UNC45B: variants seen among roughly 807,000 people sequenced by gnomAD.
UNC45B encodes the protein unc-45 myosin chaperone B.
A neutral mutation model predicts 98.7 loss-of-function variants in UNC45B; 78 were observed. That is an observed-to-expected ratio of 0.79 (90% CI 0.66 to 0.95). UNC45B has a LOEUF of 0.95. Among genes scored for constraint, UNC45B ranks in the 40% least tolerant of loss-of-function variants. UNC45B has a pLI of 0.00. For missense variants in UNC45B, 1,225 were observed against 1,184.9 expected (o/e 1.03, Z -0.50); for synonymous variants, 462 against 480.4 (o/e 0.96, Z 0.50).
At chr17:35,179,978 AC>A (rs2092262344) in intron 17 of UNC45B, among the ~76,000 whole-genome samples, 1 of 152,162 alleles carries the variant, frequency 6.6e-6, no homozygotes, top group Non-Finnish European at 1.5e-5. Context: ...GTCAGCATGT[AC>A]TGGGTTGGGA....
intron 7 of UNC45B, among the ~76,000 whole-genome samples, chr17:35,157,104 T>A (rs1265290767): frequency 2.6e-5 from 4 of 152,298 alleles, no homozygotes; most frequent in Admixed American, 6.5e-5. Context: ...AATCTTCCCT[T>A]GTATGGATTA....
chr17:35,151,291 C>A (rs904318686), intron 4 of UNC45B: 2 of 195,770 alleles, frequency 1.0e-5, no homozygotes, highest in Non-Finnish European at 2.2e-5. Context: ...CCCACACGAG[C>A]GGCGCCGGGG....
chr17:35,150,102 T>C lies in UNC45B; in HGVS notation c.260T>C (p.Leu87Pro). Residue 87 changes from leucine (L) to proline (P), a missense_variant, in exon 4 of 20, where the codon CTG becomes CCG. Transcript: ENST00000394570. ...GCTCTGTATCGGCGATGCCAGGCAC[T>C]GGAGCACCTGGGGAAGCTGGACCAG... ...IKALYRRCQA[L>P]EHLGKLDQAF... is the part of the protein sequence containing the mutation. The C allele has an allele frequency of 6.2e-7, 1 of 1,613,402 alleles. No individual in the cohort carries two copies. The highest frequency in any genetic ancestry group is 8.5e-7 in the Non-Finnish European group (1 of 1,179,672).
At chr17:35,165,606 A>G (rs190895483) in intron 9 of UNC45B, among the ~76,000 whole-genome samples, 21 of 152,304 alleles carry the variant, frequency 1.4e-4, no homozygotes, top group African/African-American at 5.1e-4. Context: ...TGTGGGACAG[A>G]TAAGTCTCTG....
intron 8 of UNC45B, 90 bp downstream of exon 8, chr17:35,159,635 A>G (rs2092088952): frequency 1.4e-6 from 2 of 1,434,242 alleles, no homozygotes; most frequent in Admixed American, 3.9e-5. Context: ...GAGGCTCTTG[A>G]AGGGGTCTTC....
chr17:35,183,658 A>G (rs986428367), intron 19 of UNC45B, 76 bp downstream of exon 19: 2 of 1,382,108 alleles, frequency 1.4e-6, no homozygotes, highest in Non-Finnish European at 1.9e-6. Context: ...ACACTGGATG[A>G]TCCTCTGGGG....
intron 14 of UNC45B, among the ~76,000 whole-genome samples, chr17:35,175,075 G>GAAAGAAAGAAAGAAAGAA (rs1405430665): frequency 8.7e-6 from 1 of 114,982 alleles, no homozygotes; most frequent in African/African-American, 3.3e-5. Context: ...AAGAAAGAAA[G>GAAAGAAAGAAAGAAAGAA]AAAGAAAGAA....
intron 18 of UNC45B, among the ~76,000 whole-genome samples, chr17:35,182,854 A>T (rs2092282167): frequency 6.6e-6 from 1 of 151,802 alleles, no homozygotes; most frequent in African/African-American, 2.4e-5. Flanking sequence ...AGGGGTGAGG[A>T]TGAGATGCTG....
At chr17:35,167,980 C>T in intron 9 of UNC45B, 81 bp from the exon 10 acceptor site, 1 of 1,339,932 alleles carries the variant, frequency 7.5e-7, no homozygotes, top group Non-Finnish European at 9.8e-7. Context: ...GATGCAAATC[C>T]AAATCCTACT....
chr17:35,155,229 T>G, intron 6 of UNC45B, 67 bp from the exon 7 acceptor site: 1 of 1,579,594 alleles, frequency 6.3e-7, no homozygotes, highest in Non-Finnish European at 8.6e-7. Context: ...TCACACCCTC[T>G]CTAACCTGCA....
intron 19 of UNC45B, 54 bp from the exon 20 acceptor site, chr17:35,186,245 C>T: frequency 1.3e-6 from 2 of 1,595,376 alleles, no homozygotes; most frequent in South Asian, 1.1e-5. Context: ...AACACATGAA[C>T]TCTGGGGACA....
intron 9 of UNC45B, among the ~76,000 whole-genome samples, chr17:35,164,806 C>T (rs929229237): frequency 6.6e-6 from 1 of 152,010 alleles, no homozygotes. Context: ...ACTGCAGCCT[C>T]GAACTTTTGG....
At position 35,171,456 on chromosome 17, in the gene UNC45B, C is replaced by T; in HGVS notation, c.1824C>T (p.His608=). Reference sequence around the variant, plus strand: ...CCAAGCAGCATGTGCCCGAGGAACACCCCAAGGTAGGGTCAGGCGCGACCC... The same window carrying T: ...CCAAGCAGCATGTGCCCGAGGAACATCCCAAGGTAGGGTCAGGCGCGACCC... ...KFSKQHVPEE[H]PKDKKDFIDM... is the part of the protein sequence containing the mutation. Residue 608 remains histidine (H), a synonymous_variant, in exon 13 of 20, where the codon CAC becomes CAT. Transcript: ENST00000394570. The T allele has an allele frequency of 6.2e-7, 1 of 1,614,038 alleles. No homozygotes were observed. The highest frequency in any genetic ancestry group is 8.5e-7 in the Non-Finnish European group (1 of 1,179,954).
At chr17:35,168,006 A>G in intron 9 of UNC45B, 55 bp from the exon 10 acceptor site, 8 of 1,379,362 alleles carry the variant, frequency 5.8e-6, no homozygotes, top group Non-Finnish European at 7.6e-6. Context: ...CAAATCTCAC[A>G]CTCTTTCCAC....
intron 18 of UNC45B, among the ~76,000 whole-genome samples, 153 bp downstream of exon 18, chr17:35,180,829 T>C (rs148748812): frequency 3.5e-4 from 53 of 152,200 alleles, no homozygotes; most frequent in African/African-American, 1.1e-3. Flanking sequence ...ATTTCCTAGA[T>C]TATAGCCCCC....
intron 19 of UNC45B, among the ~76,000 whole-genome samples, chr17:35,185,137 A>G (rs2092296052): frequency 6.6e-6 from 1 of 152,026 alleles, no homozygotes; most frequent in Non-Finnish European, 1.5e-5. Flanking sequence ...GCAGTTTACA[A>G]AAGTTGGGTT....
intron 5 of UNC45B, 24 bp from the exon 6 acceptor site, chr17:35,154,550 C>G (rs780225807): frequency 6.2e-6 from 10 of 1,609,088 alleles, no homozygotes; most frequent in Admixed American, 3.4e-5. Flanking sequence ...CCCTCGTAAC[C>G]CTTATTGCCT....
At chr17:35,185,867 C>T (rs1010256015) in intron 19 of UNC45B, among the ~76,000 whole-genome samples, 7 of 152,046 alleles carry the variant, frequency 4.6e-5, no homozygotes, top group African/African-American at 1.7e-4. Flanking sequence ...TTTTCTGTTG[C>T]TATAACAGAA....
rs142722058 is a variant in UNC45B at position 35,152,277 on chromosome 17, T to A, written c.382-616T>A. Among the ~76,000 whole-genome samples the A allele has an allele frequency of 1.4e-3, 214 of 151,948 alleles. 2 individuals carry two copies. The highest frequency in any genetic ancestry group is 5.0e-3 in the African/African-American group (208 of 41,448). On this transcript the variant is annotated intron_variant, in intron 4 of 19. Transcript: ENST00000394570. ...AAAAATTAAAAATTAAAAAATGTGCTCAGAAGTAGGTGGGAGTAGTGTGGA... is the reference window on the plus strand; with the variant it reads ...AAAAATTAAAAATTAAAAAATGTGCACAGAAGTAGGTGGGAGTAGTGTGGA...
Sources: gnomAD v4.1 joint callset for allele counts (sites outside exome capture counted in the v4.1 genomes callset) on GRCh38, gnomAD v4.1.1 for gene constraint, MANE v1.5 for transcripts, NCBI Gene and HGNC (gene_info 2026-07-23, HGNC 2026-07-21) for gene names.